SND1: variants seen among roughly 807,000 people sequenced by gnomAD.
The protein encoded by SND1 is staphylococcal nuclease domain-containing protein 1.
A neutral mutation model predicts 121.7 loss-of-function variants in SND1; 38 were observed. The observed-to-expected ratio is 0.31, with a 90% CI of 0.24 to 0.41. The LOEUF (loss-of-function observed/expected upper bound fraction) is 0.41. SND1 is among the 10% of genes least tolerant of loss of function. SND1 has a pLI of 1.00. For missense variants in SND1, 868 were observed against 1,184.6 expected, an observed-to-expected ratio of 0.73 and a Z score of 3.92; for synonymous variants, 401 against 447.4, an observed-to-expected ratio of 0.90 and a Z score of 1.31.
intron 20 of SND1, chr7:128,086,484 A>C: frequency 4.0e-6 from 1 of 249,692 alleles, no homozygotes; most frequent in Non-Finnish European, 7.9e-6. Flanking sequence ...CTGCCAGACA[A>C]GGGTGAACCC....
chr7:127,825,564 T>C (rs2116613546), intron 11 of SND1, among the ~76,000 whole-genome samples: 1 of 151,996 alleles, frequency 6.6e-6, no homozygotes, highest in African/African-American at 2.4e-5. Context: ...TGTGCCACCA[T>C]GCCCAGCTAA....
intron 2 of SND1, among the ~76,000 whole-genome samples, chr7:127,694,453 A>G (rs1795973697): frequency 6.6e-6 from 1 of 152,198 alleles, no homozygotes; most frequent in Non-Finnish European, 1.5e-5. Context: ...GTTGATATAT[A>G]TACAGCATTT....
intron 15 of SND1, among the ~76,000 whole-genome samples, chr7:127,951,138 T>C (rs949435746): frequency 6.6e-6 from 1 of 152,212 alleles, no homozygotes; most frequent in Non-Finnish European, 1.5e-5. Context: ...GCAGCACTTA[T>C]TCACAATAGC....
intron 10 of SND1, among the ~76,000 whole-genome samples, chr7:127,777,030 T>A (rs558024536): frequency 3.9e-5 from 6 of 152,380 alleles, no homozygotes; most frequent in African/African-American, 1.4e-4. Context: ...GACTGCTGCA[T>A]GCTAACCTCT....
At position 127,915,909 on chromosome 7, in the gene SND1, C is replaced by T. The variant is rs553808547; in HGVS notation, c.1527+11090C>T. On this transcript the variant is annotated intron_variant, in intron 14 of 23. Coordinates refer to ENST00000354725, the MANE Select transcript of SND1 (RefSeq NM_014390.4). ...AGAATGAATAACTGAATAATTTGGACGTTATAGTCCTTGAAAAGGATTTTG... is the reference window on the plus strand; with the variant it reads ...AGAATGAATAACTGAATAATTTGGATGTTATAGTCCTTGAAAAGGATTTTG... 3.3e-5 allele frequency among the ~76,000 whole-genome samples: 5 copies of T among 151,982 alleles called. No homozygotes were observed. The South Asian group carries it at 6.2e-4, about 19-fold the overall frequency.
chr7:127,904,714 G>C, intron 13 of SND1, 33 bp from the exon 14 acceptor site: 1 of 1,480,794 alleles, frequency 6.8e-7, no homozygotes, highest in South Asian at 1.1e-5. Context: ...TGTGATTCTT[G>C]TTTTAATCGG....
chr7:127,697,648 C>T (rs1796029362), intron 3 of SND1, among the ~76,000 whole-genome samples: 1 of 151,888 alleles, frequency 6.6e-6, no homozygotes, highest in Non-Finnish European at 1.5e-5. Flanking sequence ...TCAGGTGATC[C>T]ACACTCACCC....
chr7:128,019,777 C>T (rs1156987389), intron 16 of SND1, among the ~76,000 whole-genome samples: 9 of 152,188 alleles, frequency 5.9e-5, no homozygotes. Context: ...ATAGCCAGGG[C>T]CACTCTGTTC....
chr7:127,734,431 A>G (rs564172357), intron 10 of SND1, among the ~76,000 whole-genome samples: 2 of 152,192 alleles, frequency 1.3e-5, no homozygotes, highest in Admixed American at 1.3e-4. Context: ...GAAAAGGTTT[A>G]TGAAGTGGTG....
intron 11 of SND1, among the ~76,000 whole-genome samples, chr7:127,810,671 C>T (rs1012234303): frequency 5.3e-5 from 8 of 152,160 alleles, no homozygotes; most frequent in African/African-American, 7.2e-5. Flanking sequence ...TTTCCCTTAA[C>T]GCTTAGAGAT....
At chr7:127,706,099 GA>G (rs1796189836) in intron 8 of SND1, among the ~76,000 whole-genome samples, 1 of 152,152 alleles carries the variant, frequency 6.6e-6, no homozygotes, top group African/African-American at 2.4e-5. Flanking sequence ...AAGTTAGAAA[GA>G]TATAATAACC....
At position 128,081,395 on chromosome 7, in the gene SND1, G is replaced by T. The variant is rs1276860019; in HGVS notation, c.2004G>T (p.Glu668Asp). The T allele has an allele frequency of 2.5e-6, 4 of 1,614,066 alleles. No homozygotes were observed. Among genetic ancestry groups the T allele is most frequent in the Non-Finnish European group, 3.4e-6 (4 of 1,180,046 alleles). Residue 668 changes from glutamate (E) to aspartate (D), a missense_variant, in exon 18 of 24, where the codon GAG becomes GAT. Transcript: ENST00000354725. ...ACTATGAGGAGCAGCCCGTGGAGGA[G>T]GTGATGCCAGTGCTGGAGGAGAAGG... Reference protein sequence around the residue: ...WAHYEEQPVEEVMPVLEEKER... With the variant: ...WAHYEEQPVEDVMPVLEEKER...
At chr7:127,776,950 G>A (rs575182433) in intron 10 of SND1, among the ~76,000 whole-genome samples, 2 of 152,302 alleles carry the variant, frequency 1.3e-5, no homozygotes, top group East Asian at 3.9e-4. Flanking sequence ...TGGGATCTGT[G>A]GGTTCAGGGA....
At chr7:128,028,574 T>C in intron 16 of SND1, 1 of 1,088,252 alleles carries the variant, frequency 9.2e-7, no homozygotes. Flanking sequence ...CCCATAGACT[T>C]AATATATAAG....
chr7:127,829,361 C>G (rs1584603391), intron 11 of SND1, among the ~76,000 whole-genome samples: 1 of 152,244 alleles, frequency 6.6e-6, no homozygotes, highest in South Asian at 2.1e-4. Flanking sequence ...TGGACCATCC[C>G]TTGAGACACT....
Position 128,089,558 on chromosome 7 carries a change from G to T in SND1, c.2488G>T (p.Val830Leu). ...DIQNTQCLLN[V>L]EHLSAGCPHV... is the part of the protein sequence containing the mutation. ...CCAGAACACTCAGTGCCTGCTCAAC[G>T]TGGAACACCTGAGTGCCGGCTGCCC... Residue 830 changes from valine to leucine, a missense_variant, in exon 22 of 24, where the codon GTG (valine) becomes TTG (leucine). Physicochemically the swap from Val to Leu is conservative, Grantham distance 32 (BLOSUM62 1). Transcript: ENST00000354725. The T allele has an allele frequency of 6.2e-7, 1 of 1,614,250 alleles. No individual in the cohort carries two copies. The highest frequency in any genetic ancestry group is 8.5e-7 in the Non-Finnish European group (1 of 1,180,048).
At chr7:127,757,091 G>A (rs1388196545) in intron 10 of SND1, among the ~76,000 whole-genome samples, 1 of 152,066 alleles carries the variant, frequency 6.6e-6, no homozygotes, top group Non-Finnish European at 1.5e-5. Flanking sequence ...TTTCCCTCAT[G>A]TCCATTTCCA....
intron 12 of SND1, 82 bp downstream of exon 12, chr7:127,844,506 T>C: frequency 8.8e-7 from 1 of 1,134,138 alleles, no homozygotes; most frequent in Non-Finnish European, 1.3e-6. Flanking sequence ...TTCCTTCCTT[T>C]CACTCTGCTT....
intron 1 of SND1, among the ~76,000 whole-genome samples, chr7:127,667,387 A>C (rs189498172): frequency 3.7e-4 from 57 of 152,354 alleles, no homozygotes; most frequent in African/African-American, 1.3e-3. Context: ...TCTGGTATAC[A>C]GGTCCCCTAC....
Sources: allele counts gnomAD v4.1 joint callset (sites outside exome capture counted in the v4.1 genomes callset), GRCh38; gene constraint gnomAD v4.1.1; transcripts MANE v1.5; gene names NCBI Gene and HGNC (gene_info 2026-07-23, HGNC 2026-07-21).